FDX2: variants seen among roughly 807,000 people sequenced by gnomAD.
FDX2 encodes ferredoxin 2, also known as ferredoxin-2, mitochondrial.
A neutral mutation model predicts 18.5 loss-of-function variants in FDX2; 13 were observed. The ratio of observed to expected loss-of-function variants is 0.70; its 90% CI spans 0.46 to 1.12. FDX2 has a LOEUF of 1.12. Ranked by LOEUF, FDX2 falls within the 50% of genes most tolerant of loss-of-function variation. The probability of loss-of-function intolerance (pLI) is 0.00; values close to 1 mark genes in which losing one functional copy is unlikely to be tolerated. For missense variants in FDX2, 238 were observed against 250.4 expected (o/e 0.95, Z 0.34); for synonymous variants, 132 against 106.2 (o/e 1.24, Z -1.49).
At chr19:10,311,414 T>TTTG (rs2040322960) in intron 3 of FDX2, among the ~76,000 whole-genome samples, 1 of 151,722 alleles carries the variant, frequency 6.6e-6, no homozygotes, top group African/African-American at 2.4e-5. Flanking sequence ...TTTTTTTTTT[T>TTTG]TGAGATGGAG....
At position 10,310,324 on chromosome 19, in the gene FDX2, A is replaced by G. The variant is rs1483471999; in HGVS notation, c.*162T>C. On this transcript the variant is annotated 3_prime_UTR_variant, in exon 5 of 5. Transcript: ENST00000393708. ...CCACTAGGGGCCCTGTCCCCACCAG[A>G]GCCTGGACATGGGACTCTCTCCCAA... is the stretch of plus-strand genomic sequence containing the variant. The G allele has an allele frequency of 9.7e-7, 1 of 1,032,382 alleles. No individual in the cohort carries two copies. Among genetic ancestry groups the G allele is most frequent in the Non-Finnish European group, 1.4e-6 (1 of 718,126 alleles). The allele number at this position is 1,032,382 out of a possible 1,614,324, so 64.0% of individuals were successfully genotyped here.
rs771690392 is a variant in FDX2, at chr19:10,315,994, C to T, written c.12G>A (p.Met4Ile). ...CGCCTCCCCGGGCCATGGAGGCGGC[C>T]ATGACATGCATCACGTGACTCACCG... Residue 4 changes from methionine (M) to isoleucine (I), a missense_variant, in exon 1 of 5, where the codon ATG becomes ATA. Coordinates refer to ENST00000393708, the MANE Select transcript of FDX2 (RefSeq NM_001031734.4). 3 of 1,602,724 alleles carry T rather than the reference C, an allele frequency of 1.9e-6. No individual in the cohort carries two copies. Among genetic ancestry groups the T allele is most frequent in the Non-Finnish European group, 2.5e-6 (3 of 1,177,302 alleles).
At chr19:10,315,318 G>GTTT (rs374084891) in intron 3 of FDX2, 68 bp downstream of exon 3, 4,397 of 426,696 alleles carry the variant, frequency 0.01, 704 homozygotes, top group South Asian at 0.022. Context: ...CTAATTTGTG[G>GTTT]GTTTTTTTTT....
rs778305196 is a variant in FDX2, at chr19:10,315,755, C to T, written c.159G>A (p.Ser53=). 6.3e-7 allele frequency: 1 copy of T among 1,589,594 alleles called. No homozygotes were observed. The highest frequency in any genetic ancestry group is 8.6e-7 in the Non-Finnish European group (1 of 1,169,358). ...CCGCGTCCTCCTCTCCAGCCGGGCG[C>T]GAGCCTGGAAAACACGGTTCGGTGA... Residue 53 remains serine, a synonymous_variant, in exon 2 of 5, where the codon TCG becomes TCA. Coordinates refer to ENST00000393708, the MANE Select transcript of FDX2 (RefSeq NM_001031734.4).
intron 3 of FDX2, among the ~76,000 whole-genome samples, chr19:10,312,800 G>A (rs2040337722): frequency 6.6e-6 from 1 of 152,016 alleles, no homozygotes; most frequent in Non-Finnish European, 1.5e-5. Context: ...GCCTCCCAAA[G>A]TGCTGGGATT....
chr19:10,315,337 T>TTTGACAAA, intron 3 of FDX2, 49 bp downstream of exon 3: 1 of 1,064,558 alleles, frequency 9.4e-7, no homozygotes, highest in Non-Finnish European at 1.3e-6. Context: ...TTTTTTTTTT[T>TTTGACAAA]TGGACAAATG....
intron 3 of FDX2, among the ~76,000 whole-genome samples, chr19:10,314,568 T>C (rs2040357666): frequency 1.3e-5 from 2 of 151,080 alleles, no homozygotes; most frequent in Admixed American, 1.3e-4. Flanking sequence ...GCTCCGTCTC[T>C]TGAAAAAAAA....
chr19:10,313,672 T>TATATATATATATATATATATATATA (rs1491344383), intron 3 of FDX2, among the ~76,000 whole-genome samples: 5 of 22,748 alleles, frequency 2.2e-4, no homozygotes, highest in Admixed American at 9.4e-4. Flanking sequence ...TATATATATA[T>TATATATATATATATATATATATATA]TTTTTTTTTT....
In FDX2 at chr19:10,310,545, T is replaced by C; in HGVS notation, c.502A>G (p.Thr168Ala). 6.2e-7 allele frequency: 1 copy of C among 1,613,970 alleles called. No individual in the cohort carries two copies. Among genetic ancestry groups the C allele is most frequent in the African/African-American group, 1.3e-5 (1 of 74,970 alleles). Residue 168 changes from threonine (T) to alanine (A), a missense_variant, in exon 5 of 5, where the codon ACC becomes GCC. Thr to Ala is a moderately conservative substitution (Grantham distance 58). Transcript: ENST00000393708. ...AAGTTCCTGGTGATCTTGGGCAGGG[T>C]GAATTCCGCTCCTTCCAGCTCCGGT...
intron 3 of FDX2, 65 bp downstream of exon 3, chr19:10,315,321 T>A: frequency 2.3e-5 from 14 of 622,110 alleles, no homozygotes; most frequent in Non-Finnish European, 2.3e-5. Flanking sequence ...ATTTGTGGGT[T>A]TTTTTTTTTT....
chr19:10,310,707 G>T, intron 4 of FDX2, 65 bp from the exon 5 acceptor site: 1 of 1,422,066 alleles, frequency 7.0e-7, no homozygotes, highest in Non-Finnish European at 9.7e-7. Context: ...GGGGCCAGAG[G>T]TGGGGGAGGG....
rs1487251511 is a variant in FDX2, at chr19:10,310,633, G to A, written c.414C>T (p.Asp138=). The A allele has an allele frequency of 6.2e-7, 1 of 1,612,970 alleles. No individual in the cohort carries two copies. The highest frequency in any genetic ancestry group is 1.7e-5 in the Admixed American group (1 of 59,830). The change falls in exon 5 of 5, where the codon GAC becomes GAT. Residue 138 remains aspartate (D), a synonymous_variant. Transcript: ENST00000393708. The stretch of plus-strand genomic sequence containing the variant: ...GGAGGAGGGGGGCCATGTCTAGCAT[G>A]TCGTCTTCCCTAGGGTGGTGACACG...
At position 10,310,223 on chromosome 19, in the gene FDX2, T is replaced by C. The variant is rs2040308641; in HGVS notation, c.*263A>G. 2.0e-6 allele frequency: 1 copy of C among 507,968 alleles called. No homozygotes were observed. The highest frequency in any genetic ancestry group is 3.6e-6 in the Non-Finnish European group (1 of 281,530). 31.5% of individuals were successfully genotyped at this position (507,968 alleles called of 1,614,324 possible). On this transcript the variant is annotated 3_prime_UTR_variant, in exon 5 of 5. Transcript: ENST00000393708. ...ACACTCAACATGCTGGGGCCTGTGTTATCGATTTATTGCAGCTCCAATATG... is the reference window on the plus strand; with the variant it reads ...ACACTCAACATGCTGGGGCCTGTGTCATCGATTTATTGCAGCTCCAATATG...
At position 10,310,597 on chromosome 19, in the gene FDX2, C is replaced by A. The variant is rs149654332; in HGVS notation, c.450G>T (p.Ser150=). ...TCAGCACAATCTGGCAGCCCAGCCGCGAGTTCTCCTGGAGGAGGGGGGCCA... is the reference window on the plus strand; with the variant it reads ...TCAGCACAATCTGGCAGCCCAGCCGAGAGTTCTCCTGGAGGAGGGGGGCCA... Residue 150 remains serine, a synonymous_variant, in exon 5 of 5, where the codon TCG becomes TCT. Coordinates refer to ENST00000393708, the MANE Select transcript of FDX2 (RefSeq NM_001031734.4). 8.7e-6 allele frequency: 14 copies of A among 1,613,030 alleles called. No individual in the cohort carries two copies. Among genetic ancestry groups the A allele is most frequent in the Non-Finnish European group, 1.2e-5 (14 of 1,179,822 alleles).
intron 3 of FDX2, 46 bp downstream of exon 3, chr19:10,315,340 G>C: frequency 1.6e-6 from 1 of 622,126 alleles, no homozygotes; most frequent in South Asian, 3.2e-5. Flanking sequence ...TTTTTTTTTG[G>C]ACAAATGTAT....
intron 3 of FDX2, among the ~76,000 whole-genome samples, chr19:10,314,228 C>A (rs1484325676): frequency 1.3e-5 from 2 of 152,114 alleles, no homozygotes; most frequent in African/African-American, 2.4e-5. Context: ...AAGTGAGTCG[C>A]CTGCCTCGGC....
intron 3 of FDX2, among the ~76,000 whole-genome samples, chr19:10,312,264 C>G (rs918732668): frequency 1.3e-5 from 2 of 148,526 alleles, no homozygotes; most frequent in African/African-American, 5.0e-5. Flanking sequence ...ATCTGCCTGC[C>G]TTGGCTTCCC....
At chr19:10,312,433 C>T (rs892453777) in intron 3 of FDX2, among the ~76,000 whole-genome samples, 1 of 152,188 alleles carries the variant, frequency 6.6e-6, no homozygotes, top group African/African-American at 2.4e-5. Flanking sequence ...CCCTCCTGGC[C>T]TAAAACTTTC....
At chr19:10,311,836 A>T (rs543914609) in intron 3 of FDX2, among the ~76,000 whole-genome samples, 207 of 146,628 alleles carry the variant, frequency 1.4e-3, no homozygotes, top group Admixed American at 4.4e-3. Context: ...AGTAGCTGGG[A>T]CTACATGTGC....
Sources: gnomAD v4.1 joint callset for allele counts (sites outside exome capture counted in the v4.1 genomes callset) on GRCh38, gnomAD v4.1.1 for gene constraint, MANE v1.5 for transcripts, NCBI Gene and HGNC (gene_info 2026-07-23, HGNC 2026-07-21) for gene names.